Variants in ATP2B3 observed in about 807,000 individuals in gnomAD.
ATP2B3 encodes ATPase plasma membrane Ca2+ transporting 3.
Under a neutral mutation model 70.8 loss-of-function variants are expected in ATP2B3, and 12 were observed. The observed-to-expected ratio is 0.17, with a 90% CI of 0.11 to 0.27. The LOEUF is 0.27. Ranked by LOEUF, ATP2B3 falls within the 10% of genes least tolerant of loss-of-function variation. The pLI is 1.00. For missense variants in ATP2B3, 858 were observed against 1,118.5 expected (o/e 0.77, Z 3.32); for synonymous variants, 460 against 497.8 (o/e 0.92, Z 1.01).
intron 18 of ATP2B3, among the ~76,000 whole-genome samples, chrX:153,560,147 C>T (rs2090603031): frequency 1.8e-5 from 2 of 111,904 alleles, no homozygotes; most frequent in African/African-American, 6.5e-5. Context: ...TGGCCTACAG[C>T]TCTTTCGCAA....
chrX:153,558,103 C>T lies in ATP2B3; in HGVS notation c.2434-9C>T. The stretch of plus-strand genomic sequence containing the variant: ...ACACTCTGTGTGAGTGTGTGTGTCA[C>T]CCCCCCAGGGCATCGCAGGGACCGA... On this transcript the variant is annotated splice_polypyrimidine_tract_variant and intron_variant, in intron 16 of 21. Coordinates refer to ENST00000263519, the MANE Select transcript of ATP2B3 (RefSeq NM_001001344.3). 8.4e-7 allele frequency: 1 copy of T among 1,195,460 alleles called. No individual in the cohort carries two copies. The highest frequency in any genetic ancestry group is 1.1e-6 in the Non-Finnish European group (1 of 886,229).
At chrX:153,558,483 T>G (rs2090575930) in intron 17 of ATP2B3, among the ~76,000 whole-genome samples, 180 bp downstream of exon 17, 2 of 112,675 alleles carry the variant, frequency 1.8e-5, no homozygotes, top group African/African-American at 6.5e-5. Flanking sequence ...TGTAGGACAT[T>G]CACCACGTTG....
intron 17 of ATP2B3, 98 bp from the exon 18 acceptor site, chrX:153,559,631 T>G (rs1441197317): frequency 7.2e-5 from 50 of 695,402 alleles, no homozygotes. Context: ...ATCCTGGTGA[T>G]GTGGACCCCA....
intron 17 of ATP2B3, chrX:153,559,357 G>C (rs1233019824): frequency 5.0e-6 from 1 of 201,297 alleles, no homozygotes; most frequent in African/African-American, 2.9e-5. Context: ...GAGCTGAGAA[G>C]GAAGGTCCAG....
At chrX:153,552,944 C>A in intron 12 of ATP2B3, 91 bp from the exon 13 acceptor site, 1 of 799,254 alleles carries the variant, frequency 1.3e-6, no homozygotes, top group Non-Finnish European at 1.8e-6. Context: ...GGACCCCAGT[C>A]CTTGACTAAG....
chrX:153,530,624 C>A (rs1426806536), intron 2 of ATP2B3, among the ~76,000 whole-genome samples: 1 of 111,486 alleles, frequency 9.0e-6, no homozygotes, highest in Admixed American at 9.4e-5. Flanking sequence ...AGTGGGTCCC[C>A]AAGGTGGCCC....
intron 3 of ATP2B3, among the ~76,000 whole-genome samples, chrX:153,540,066 T>C (rs1184683453): frequency 9.0e-6 from 1 of 111,380 alleles, no homozygotes; most frequent in Non-Finnish European, 1.9e-5. Context: ...GGTGCTGGAG[T>C]TGCATTAGAA....
In ATP2B3 at chrX:153,559,939, G is replaced by C. The variant is rs369243201; in HGVS notation, c.2836G>C (p.Val946Leu). The change falls in exon 18 of 22, where the codon GTC (valine) becomes CTC (leucine). Residue 946 changes from valine (V) to leucine (L), a missense_variant. Around this residue, in one of 5 missense-constraint regions of ATP2B3, gnomAD observed 265 missense variants for 305.3 expected, o/e 0.87. Transcript: ENST00000263519. ...QLAIIFTLLFVGELFFDIDSG... is the reference protein window; with the variant it reads ...QLAIIFTLLFLGELFFDIDSG... Reference sequence around the variant, plus strand: ...CGCCATCATCTTCACCCTGCTGTTTGTCGGTAGGCTGGCCAGGGGCACCCG... The same window carrying C: ...CGCCATCATCTTCACCCTGCTGTTTCTCGGTAGGCTGGCCAGGGGCACCCG... 8.3e-7 allele frequency: 1 copy of C among 1,207,159 alleles called. No individual in the cohort carries two copies. Among genetic ancestry groups the C allele is most frequent in the African/African-American group, 1.7e-5 (1 of 57,181 alleles).
At chrX:153,532,313 A>C (rs970748071) in intron 2 of ATP2B3, among the ~76,000 whole-genome samples, 9 of 112,689 alleles carry the variant, frequency 8.0e-5, no homozygotes, top group Non-Finnish European at 1.7e-4. Context: ...TGGGCTGCCC[A>C]GGGCCTGGAG....
rs782032067 is a variant in ATP2B3 at position 153,520,108 on chromosome X, C to T, written c.-127+1557C>T. 2.3e-3 allele frequency among the ~76,000 whole-genome samples: 263 copies of T among 112,289 alleles called. 2 individuals carry two copies. Among genetic ancestry groups the T allele is most frequent in the African/African-American group, 8.2e-3 (253 of 30,910 alleles). ...GGGGGTGGGCCTGGGGGAGCTGGAG[C>T]TTCAGAGGTTGAATCATTCACTAGC... On this transcript the variant is annotated intron_variant, in intron 2 of 21. Transcript: ENST00000263519.
intron 2 of ATP2B3, among the ~76,000 whole-genome samples, chrX:153,521,857 C>G (rs1237842137): frequency 9.8e-5 from 11 of 111,990 alleles, no homozygotes; most frequent in Admixed American, 2.8e-4. Flanking sequence ...GAGAACATTT[C>G]CATCACTCCC....
At chrX:153,574,817 G>T in intron 21 of ATP2B3, 1 of 330,890 alleles carries the variant, frequency 3.0e-6, no homozygotes, top group Non-Finnish European at 5.9e-6. Flanking sequence ...ACTCCAGCTG[G>T]CCGGCAGTGG....
chrX:153,568,106 A>G (rs1486088404), intron 21 of ATP2B3, among the ~76,000 whole-genome samples: 1 of 111,934 alleles, frequency 8.9e-6, no homozygotes, highest in African/African-American at 3.3e-5. Flanking sequence ...AAGTGAAGGC[A>G]TTTTGTAACC....
chrX:153,577,174 C>T (rs1406315226), intron 21 of ATP2B3, among the ~76,000 whole-genome samples: 2 of 113,146 alleles, frequency 1.8e-5, no homozygotes, highest in African/African-American at 6.4e-5. Flanking sequence ...AAGCCACAAA[C>T]AAGGCAGATG....
intron 2 of ATP2B3, chrX:153,533,065 C>T (rs1473797255): frequency 9.0e-6 from 1 of 111,324 alleles, no homozygotes; most frequent in Non-Finnish European, 1.9e-5. Flanking sequence ...AGGATGGAGA[C>T]TCCACCTCCC....
At chrX:153,543,539 G>A (rs1320961711) in intron 7 of ATP2B3, among the ~76,000 whole-genome samples, 2 of 112,869 alleles carry the variant, frequency 1.8e-5, no homozygotes, top group African/African-American at 6.4e-5. Context: ...GGCCAGCGTG[G>A]GAGGCAGCCA....
chrX:153,577,708 T>C (rs2090874485), intron 21 of ATP2B3, among the ~76,000 whole-genome samples: 1 of 112,468 alleles, frequency 8.9e-6, no homozygotes, highest in African/African-American at 3.2e-5. Flanking sequence ...CTTTCCCGAA[T>C]GCAGAGAAAA....
rs782429942 is a variant in ATP2B3 at position 153,541,236 on chromosome X, G to A, written c.209-123G>A. On this transcript the variant is annotated intron_variant, in intron 3 of 21. Transcript: ENST00000263519. Reference sequence around the variant, plus strand: ...AGGGAGAGCCAGGCGCTGGCCAGACGGCCCCAGAGGGCTGCTGCCACCCCA... The same window carrying A: ...AGGGAGAGCCAGGCGCTGGCCAGACAGCCCCAGAGGGCTGCTGCCACCCCA... 488 of 837,735 alleles carry A rather than the reference G, an allele frequency of 5.8e-4. No homozygotes were observed. In the African/African-American group the frequency reaches 6.7e-3, roughly 12 times the overall value. 69.0% of individuals were successfully genotyped at this position (837,735 alleles called of 1,213,427 possible).
chrX:153,526,497 C>T (rs2090035395), intron 2 of ATP2B3, among the ~76,000 whole-genome samples: 1 of 111,910 alleles, frequency 8.9e-6, no homozygotes, highest in Non-Finnish European at 1.9e-5. Flanking sequence ...GCTTTGGGCT[C>T]GTATGCCGGG....
Sources: gnomAD v4.1 joint callset for allele counts (sites outside exome capture counted in the v4.1 genomes callset) on GRCh38, gnomAD v4.1.1 for gene constraint, gnomAD v4.1.1 regional missense constraint, MANE v1.5 for transcripts, NCBI Gene and HGNC (gene_info 2026-07-23, HGNC 2026-07-21) for gene names.